The following ARHGAP29 variants were observed in gnomAD, a reference collection of about 807,000 sequenced individuals.
ARHGAP29 encodes Rho GTPase activating protein 29, also known as rho GTPase-activating protein 29.
A neutral mutation model predicts 122.6 loss-of-function variants in ARHGAP29; 43 were observed. The ratio of observed to expected loss-of-function variants is 0.35; its 90% CI spans 0.27 to 0.45. ARHGAP29 has a LOEUF of 0.45. Ranked by LOEUF, ARHGAP29 falls within the 20% of genes least tolerant of loss-of-function variation. The pLI, the probability that ARHGAP29 is intolerant of heterozygous loss-of-function variation, is 1.00. For synonymous variants in ARHGAP29, 506 were observed against 497.1 expected, an observed-to-expected ratio of 1.02 and a Z score of -0.24; for missense variants, 1,303 against 1,477.2, an observed-to-expected ratio of 0.88 and a Z score of 1.93.
the ARHGAP29 span, among the ~76,000 whole-genome samples, chr1:94,298,502 T>C: frequency 6.6e-6 from 1 of 152,204 alleles, no homozygotes; most frequent in Non-Finnish European, 1.5e-5. Context: ...GGATTACCTG[T>C]ATTCAAGTGG....
intron 2 of ARHGAP29, among the ~76,000 whole-genome samples, chr1:94,229,961 T>A (rs1652831564): frequency 6.6e-6 from 1 of 151,624 alleles, no homozygotes; most frequent in South Asian, 2.1e-4. Flanking sequence ...ATAGAAATCT[T>A]AACTAAAAAT....
chr1:94,177,679 T>A lies in ARHGAP29; in HGVS notation c.2838A>T (p.Arg946=), dbSNP rs753325377. 6.2e-7 allele frequency: 1 copy of A among 1,613,374 alleles called. No homozygotes were observed. The highest frequency in any genetic ancestry group is 2.2e-5 in the East Asian group (1 of 44,864). The change falls in exon 22 of 23, where the codon CGA becomes CGT. Residue 946 remains arginine (R), a synonymous_variant. Coordinates refer to ENST00000260526, the MANE Select transcript of ARHGAP29 (RefSeq NM_004815.4). ...TSESESKIFE[R]ATSFEESERK... is the part of the protein sequence containing the mutation. ...GTTCTGATTCCTCAAATGATGTAGC[T>A]CGTTCAAAAATTTTGCTTTCACTCT... is the stretch of plus-strand genomic sequence containing the variant.
At chr1:94,184,563 A>G (rs949732730) in intron 18 of ARHGAP29, among the ~76,000 whole-genome samples, 1 of 151,732 alleles carries the variant, frequency 6.6e-6, no homozygotes. Flanking sequence ...GGGCAACATA[A>G]GGAGACCACA....
intron 1 of ARHGAP29, among the ~76,000 whole-genome samples, chr1:94,253,072 A>G (rs989093566): frequency 7.2e-5 from 11 of 151,888 alleles, no homozygotes; most frequent in African/African-American, 2.7e-4. Flanking sequence ...CTGGGTTCAA[A>G]CAATTCTCCT....
At chr1:94,299,046 T>G in the ARHGAP29 span, among the ~76,000 whole-genome samples, 1 of 152,238 alleles carries the variant, frequency 6.6e-6, no homozygotes, top group African/African-American at 2.4e-5. Context: ...TGCTTTGCTT[T>G]CAAACACTGG....
At chr1:94,289,485 C>T in the ARHGAP29 span, among the ~76,000 whole-genome samples, 4 of 152,194 alleles carry the variant, frequency 2.6e-5, no homozygotes, top group African/African-American at 4.8e-5. Flanking sequence ...CACTTTATTT[C>T]TTTCCCTTGC....
the ARHGAP29 span, among the ~76,000 whole-genome samples, chr1:94,282,569 C>A: frequency 6.6e-6 from 1 of 152,126 alleles, no homozygotes; most frequent in South Asian, 2.1e-4. Flanking sequence ...AGCCACATTA[C>A]AGGCATGACC....
intron 3 of ARHGAP29, among the ~76,000 whole-genome samples, chr1:94,210,116 G>A (rs1651490473): frequency 6.6e-6 from 1 of 152,152 alleles, no homozygotes; most frequent in South Asian, 2.1e-4. Context: ...GGTTTACCAA[G>A]ACAAAGTCTG....
At chr1:94,227,856 T>C (rs1262853791) in intron 2 of ARHGAP29, among the ~76,000 whole-genome samples, 1 of 151,838 alleles carries the variant, frequency 6.6e-6, no homozygotes, top group East Asian at 1.9e-4. Flanking sequence ...ACAACATGCA[T>C]ATGCATAACT....
chr1:94,290,016 A>G, the ARHGAP29 span, among the ~76,000 whole-genome samples: 1 of 152,240 alleles, frequency 6.6e-6, no homozygotes, highest in Non-Finnish European at 1.5e-5. Context: ...AAAATGAGTT[A>G]GGGAGGATTC....
At chr1:94,180,131 T>C (rs911487390) in intron 19 of ARHGAP29, among the ~76,000 whole-genome samples, 174 bp from the exon 20 acceptor site, 2 of 152,148 alleles carry the variant, frequency 1.3e-5, no homozygotes, top group Non-Finnish European at 2.9e-5. Flanking sequence ...AAAGTAAACC[T>C]AGAATCATCA....
At chr1:94,257,324 C>T (rs1188898534) in intron 1 of ARHGAP29, among the ~76,000 whole-genome samples, 1 of 152,078 alleles carries the variant, frequency 6.6e-6, no homozygotes, top group Non-Finnish European at 1.5e-5. Flanking sequence ...ATCACTTGAA[C>T]CCTGGAGGTG....
At chr1:94,197,923 A>G (rs1451206222) in intron 12 of ARHGAP29, among the ~76,000 whole-genome samples, 2 of 152,208 alleles carry the variant, frequency 1.3e-5, no homozygotes, top group African/African-American at 2.4e-5. Context: ...TTCCCCTAAG[A>G]TGGACAATTA....
intron 19 of ARHGAP29, among the ~76,000 whole-genome samples, chr1:94,183,206 T>A (rs532747597): frequency 0.015 from 500 of 33,978 alleles, 4 homozygotes; most frequent in Middle Eastern, 0.031. Flanking sequence ...TAAAAAAAAT[T>A]TTTTTTTTTA....
At chr1:94,181,709 A>G (rs767699240) in intron 19 of ARHGAP29, among the ~76,000 whole-genome samples, 1 of 152,218 alleles carries the variant, frequency 6.6e-6, no homozygotes, top group African/African-American at 2.4e-5. Flanking sequence ...CATTTTAAGC[A>G]GACAGTCATG....
At chr1:94,281,797 G>A in the ARHGAP29 span, among the ~76,000 whole-genome samples, 42,988 of 151,990 alleles carry the variant, frequency 0.28, 6,950 homozygotes, top group East Asian at 0.46. Flanking sequence ...AAATTCAATT[G>A]TGAGTAATAA....
At chr1:94,301,671 C>T in the ARHGAP29 span, among the ~76,000 whole-genome samples, 1 of 152,118 alleles carries the variant, frequency 6.6e-6, no homozygotes, top group Non-Finnish European at 1.5e-5. Context: ...TTGTGTTACC[C>T]AGATAAGCTG....
At chr1:94,247,210 T>C (rs1480640480) in intron 1 of ARHGAP29, among the ~76,000 whole-genome samples, 10 of 151,752 alleles carry the variant, frequency 6.6e-5, no homozygotes, top group Admixed American at 3.3e-4. Context: ...AGAAAACCAA[T>C]GGGGTAAGGG....
At chr1:94,273,474 C>T (rs986136803) in intron 1 of ARHGAP29, among the ~76,000 whole-genome samples, 1 of 152,116 alleles carries the variant, frequency 6.6e-6, no homozygotes, top group Non-Finnish European at 1.5e-5. Context: ...ATACAAAAAA[C>T]CATTTGATAT....
Sources: gnomAD v4.1 joint callset for allele counts (sites outside exome capture counted in the v4.1 genomes callset) on GRCh38, gnomAD v4.1.1 for gene constraint, MANE v1.5 for transcripts, NCBI Gene and HGNC (gene_info 2026-07-23, HGNC 2026-07-21) for gene names.